The following EEFSEC variants were observed in gnomAD, a reference collection of about 807,000 sequenced individuals.
EEFSEC encodes the protein selenocysteine-specific elongation factor.
EEFSEC carries 43 observed loss-of-function variants against 42.1 expected under a neutral mutation model. The observed-to-expected ratio is 1.02, with a 90% CI of 0.80 to 1.32. The LOEUF is 1.32. Among genes scored for constraint, EEFSEC ranks in the 40% most tolerant of loss-of-function variants. EEFSEC has a pLI of 0.00. For missense variants in EEFSEC, 745 were observed against 803.6 expected (o/e 0.93, Z 0.88); for synonymous variants, 354 against 339.1 (o/e 1.04, Z -0.48).
intron 6 of EEFSEC, chr3:128,362,369 C>A (rs2107594896): frequency 2.3e-6 from 1 of 444,218 alleles, no homozygotes; most frequent in Non-Finnish European, 4.6e-6. Flanking sequence ...CTAATGACAG[C>A]TCTGAGTCAC....
At chr3:128,352,632 CA>C (rs2067402324) in intron 5 of EEFSEC, among the ~76,000 whole-genome samples, 1 of 152,214 alleles carries the variant, frequency 6.6e-6, no homozygotes, top group Non-Finnish European at 1.5e-5. Context: ...CATTGAGTCG[CA>C]GGGGTGCACA....
At chr3:128,241,499 C>A (rs1401062414) in intron 1 of EEFSEC, among the ~76,000 whole-genome samples, 1 of 152,080 alleles carries the variant, frequency 6.6e-6, no homozygotes, top group African/African-American at 2.4e-5. Flanking sequence ...ACGTGTGCCA[C>A]CACGCTGAAC....
chr3:128,204,710 C>T (rs1394790850), intron 1 of EEFSEC, among the ~76,000 whole-genome samples: 1 of 152,092 alleles, frequency 6.6e-6, no homozygotes, highest in Non-Finnish European at 1.5e-5. Context: ...GTGTTGGTTC[C>T]CTCCTGGGAT....
rs1307729803 is a variant in EEFSEC at position 128,362,148 on chromosome 3, C to T, written c.1600+3775C>T. ...CACCTGGGAGGCTGCGCTCCCAAAG[C>T]TCATCTTGGCAAGCCGTCTGTCCCA... On this transcript the variant is annotated intron_variant, in intron 6 of 6. Coordinates refer to ENST00000254730, the MANE Select transcript of EEFSEC (RefSeq NM_021937.5). 1.2e-5 allele frequency: 6 copies of T among 482,144 alleles called. No individual in the cohort carries two copies. In the Middle Eastern group the frequency reaches 1.5e-3, roughly 122 times the overall value. The allele number at this position is 482,144 out of a possible 1,614,324, so 29.9% of individuals were successfully genotyped here. A position where few individuals can be genotyped will look rare whatever the true frequency, so the allele number is the denominator to read the frequency against.
At chr3:128,413,095 G>C (rs1319722338), downstream of EEFSEC, among the ~76,000 whole-genome samples, 2 of 152,192 alleles carry the variant, frequency 1.3e-5, no homozygotes, top group Non-Finnish European at 2.9e-5. Flanking sequence ...ACACAAACAG[G>C]GGGCAGAGGC....
chr3:128,245,849 A>G (rs1030747091), intron 1 of EEFSEC, among the ~76,000 whole-genome samples: 2 of 152,056 alleles, frequency 1.3e-5, no homozygotes, highest in African/African-American at 4.8e-5. Context: ...TCCCTCCTCC[A>G]TGCCTTCCCT....
chr3:128,179,763 G>A lies in EEFSEC; in HGVS notation c.316+25940G>A, dbSNP rs116965017. On this transcript the variant is annotated intron_variant, in intron 1 of 6. Transcript: ENST00000254730. ...TATCTTGGTGAGGTATTGAATGGGAGGTTGCTGGATTATTGAATTTGGCCC... is the reference window on the plus strand; with the variant it reads ...TATCTTGGTGAGGTATTGAATGGGAAGTTGCTGGATTATTGAATTTGGCCC... Among the ~76,000 whole-genome samples, 156 of 152,302 alleles carry A rather than the reference G, an allele frequency of 1.0e-3. 4 individuals are homozygous for A. In the East Asian group the frequency reaches 0.027, roughly 27 times the overall value.
the EEFSEC span, among the ~76,000 whole-genome samples, chr3:128,416,686 T>A: frequency 2.0e-5 from 3 of 152,012 alleles, no homozygotes; most frequent in Admixed American, 1.3e-4. Context: ...CTGGAGACAT[T>A]GGGGCTCTCT....
At chr3:128,368,444 C>CAAAAAAAAAA (rs531725881) in intron 6 of EEFSEC, among the ~76,000 whole-genome samples, 2 of 46,466 alleles carry the variant, frequency 4.3e-5, no homozygotes, top group African/African-American at 1.1e-4. Flanking sequence ...CCAAAAAAAA[C>CAAAAAAAAAA]AAAAAAAAAA....
At chr3:128,232,751 A>T (rs1345842953) in intron 1 of EEFSEC, among the ~76,000 whole-genome samples, 1 of 152,214 alleles carries the variant, frequency 6.6e-6, no homozygotes, top group African/African-American at 2.4e-5. Context: ...AGCTAAAAAG[A>T]TTACCCTAGA....
chr3:128,191,395 C>G (rs187109766), intron 1 of EEFSEC, among the ~76,000 whole-genome samples: 12 of 152,174 alleles, frequency 7.9e-5, no homozygotes, highest in Admixed American at 7.9e-4. Context: ...AAGCAATCCT[C>G]CCACCTTAGC....
At chr3:128,337,277 C>T (rs2067200447) in intron 4 of EEFSEC, among the ~76,000 whole-genome samples, 1 of 152,184 alleles carries the variant, frequency 6.6e-6, no homozygotes, top group African/African-American at 2.4e-5. Context: ...GCACAATTTC[C>T]TGTCTAGGCC....
downstream of EEFSEC, among the ~76,000 whole-genome samples, chr3:128,409,897 G>A (rs2068162353): frequency 1.3e-5 from 2 of 152,236 alleles, no homozygotes; most frequent in South Asian, 4.1e-4. Context: ...CAGGAAGGCA[G>A]TGCCACTTCA....
At chr3:128,398,088 G>A (rs767802832) in intron 6 of EEFSEC, among the ~76,000 whole-genome samples, 2 of 152,258 alleles carry the variant, frequency 1.3e-5, no homozygotes, top group African/African-American at 2.4e-5. Flanking sequence ...GGCAGATGAG[G>A]TGGGGTGCAC....
At chr3:128,184,699 C>G (rs921940357) in intron 1 of EEFSEC, among the ~76,000 whole-genome samples, 31 of 152,142 alleles carry the variant, frequency 2.0e-4, no homozygotes, top group African/African-American at 7.2e-4. Context: ...CCATACTGTT[C>G]TGATTCTGTT....
chr3:128,403,433 G>A (rs1364048773), intron 6 of EEFSEC, among the ~76,000 whole-genome samples: 3 of 152,210 alleles, frequency 2.0e-5, no homozygotes, highest in African/African-American at 7.2e-5. Context: ...GGTCCTAGCA[G>A]AGCGGGTGGC....
chr3:128,372,469 C>T (rs951555508), intron 6 of EEFSEC, among the ~76,000 whole-genome samples: 1 of 152,204 alleles, frequency 6.6e-6, no homozygotes, highest in Non-Finnish European at 1.5e-5. Context: ...GGATTCACCA[C>T]AACACTTACC....
chr3:128,387,048 G>T (rs763953150), intron 6 of EEFSEC, among the ~76,000 whole-genome samples: 22 of 152,242 alleles, frequency 1.4e-4, no homozygotes, highest in Non-Finnish European at 3.2e-4. Flanking sequence ...TTACCACAGG[G>T]CCCAGGTGAG....
intron 6 of EEFSEC, among the ~76,000 whole-genome samples, chr3:128,399,531 A>G (rs1026722975): frequency 6.6e-6 from 1 of 152,142 alleles, no homozygotes; most frequent in African/African-American, 2.4e-5. Flanking sequence ...AGCAAATTGC[A>G]TCTTTGTTTA....
Sources: allele counts gnomAD v4.1 joint callset (sites outside exome capture counted in the v4.1 genomes callset), GRCh38; gene constraint gnomAD v4.1.1; transcripts MANE v1.5; gene names NCBI Gene and HGNC (gene_info 2026-07-23, HGNC 2026-07-21).